NRG4: variants seen among roughly 807,000 people sequenced by gnomAD.
NRG4 encodes the protein neuregulin 4.
Under a neutral mutation model 15.0 loss-of-function variants are expected in NRG4, and 10 were observed. That is an observed-to-expected ratio of 0.67 (90% CI 0.41 to 1.13). The LOEUF (loss-of-function observed/expected upper bound fraction) is 1.13. Ranked by LOEUF, NRG4 falls within the 50% of genes most tolerant of loss-of-function variation. The pLI is 0.00. For missense variants in NRG4, 139 were observed against 140.2 expected (o/e 0.99, Z 0.04); for synonymous variants, 41 against 50.1 (o/e 0.82, Z 0.77).
intron 5 of NRG4, among the ~76,000 whole-genome samples, chr15:76,020,701 G>A (rs1374352680): frequency 1.3e-5 from 2 of 152,216 alleles, no homozygotes; most frequent in African/African-American, 2.4e-5. Flanking sequence ...CGGCCCACGC[G>A]CCAGGGTTGG....
At position 76,046,430 on chromosome 15, in the gene NRG4, C is replaced by A. The variant is rs1014529827; in HGVS notation, c.-105+5637G>T. On this transcript the variant is annotated intron_variant, in intron 4 of 8. Coordinates refer to the NRG4 transcript ENST00000563910. The stretch of plus-strand genomic sequence containing the variant: ...GCAAAAAGAACAAAGCTGAAGGCAC[C>A]ACACTACCTGACTTCAAAATTTACT... 1.3e-5 allele frequency among the ~76,000 whole-genome samples: 2 copies of A among 151,112 alleles called. 1 individual carries two copies. Among genetic ancestry groups the A allele is most frequent in the African/African-American group, 4.9e-5 (2 of 40,588 alleles).
intron 3 of NRG4, among the ~76,000 whole-genome samples, chr15:75,986,182 GTA>G (rs2033796701): frequency 6.6e-6 from 1 of 152,052 alleles, no homozygotes; most frequent in South Asian, 2.1e-4. Context: ...TATCTGATTG[GTA>G]AAAACCCAAA....
intron 3 of NRG4, among the ~76,000 whole-genome samples, chr15:76,000,403 A>C (rs1449120167): frequency 1.3e-5 from 2 of 152,218 alleles, no homozygotes; most frequent in Non-Finnish European, 2.9e-5. Context: ...ATACATTATC[A>C]AAAAGATTTT....
At chr15:75,955,153 C>T (rs895160131) in intron 5 of NRG4, among the ~76,000 whole-genome samples, 1 of 152,150 alleles carries the variant, frequency 6.6e-6, no homozygotes, top group African/African-American at 2.4e-5. Context: ...CAGCTGAATA[C>T]TTGAACTGAA....
At chr15:76,043,276 A>G (rs2035789661) in intron 4 of NRG4, among the ~76,000 whole-genome samples, 1 of 152,186 alleles carries the variant, frequency 6.6e-6, no homozygotes, top group South Asian at 2.1e-4. Flanking sequence ...GTTATTCAAC[A>G]TGGTATTGGA....
At chr15:75,944,337 A>T (rs950526342) in intron 5 of NRG4, among the ~76,000 whole-genome samples, 1 of 152,144 alleles carries the variant, frequency 6.6e-6, no homozygotes, top group Non-Finnish European at 1.5e-5. Flanking sequence ...TGTGGTGTGC[A>T]TGATCATACT....
At chr15:76,016,088 T>A (rs2034966140), upstream of NRG4, among the ~76,000 whole-genome samples, 1 of 152,204 alleles carries the variant, frequency 6.6e-6, no homozygotes, top group Non-Finnish European at 1.5e-5. Context: ...GGGGTATGTG[T>A]CCAGGAATTT....
chr15:75,990,124 C>T (rs929779942), intron 3 of NRG4, among the ~76,000 whole-genome samples: 2 of 152,162 alleles, frequency 1.3e-5, no homozygotes. Context: ...TGTTCACCTT[C>T]GAGCTTCCCA....
intron 4 of NRG4, among the ~76,000 whole-genome samples, chr15:76,050,437 G>GTTTT (rs71444951): frequency 2.1e-4 from 19 of 91,868 alleles, no homozygotes; most frequent in East Asian, 3.5e-4. Context: ...CCGAGCCTTC[G>GTTTT]TTTTTTTTTT....
intron 3 of NRG4, among the ~76,000 whole-genome samples, chr15:75,972,517 T>A (rs1219062839): frequency 6.6e-6 from 1 of 152,216 alleles, no homozygotes; most frequent in East Asian, 1.9e-4. Flanking sequence ...TACGTTTAAG[T>A]CTTTAATTCA....
rs536686071 is a variant in NRG4, at chr15:75,964,988, G to A, written c.105-3014C>T. 2.0e-5 allele frequency among the ~76,000 whole-genome samples: 3 copies of A among 152,240 alleles called. No homozygotes were observed. In the South Asian group the frequency reaches 6.2e-4, roughly 32 times the overall value. ...CGCCTGTAATCCCAGCAGTTTGGGA[G>A]GCCGAGGCGGGTGGATCATGAGGTC... On this transcript the variant is annotated intron_variant, in intron 3 of 5. Transcript: ENST00000394907.
At chr15:75,986,299 T>C (rs1467288692) in intron 3 of NRG4, among the ~76,000 whole-genome samples, 4 of 152,306 alleles carry the variant, frequency 2.6e-5, no homozygotes, top group African/African-American at 7.2e-5. Flanking sequence ...AAAATTAATA[T>C]GCATATACCC....
chr15:76,003,526 G>T (rs2034487908), intron 3 of NRG4, among the ~76,000 whole-genome samples: 1 of 152,090 alleles, frequency 6.6e-6, no homozygotes, highest in East Asian at 1.9e-4. Context: ...AATATTTAAA[G>T]AAATAATTGT....
chr15:76,005,868 C>T (rs1292836102), intron 3 of NRG4: 8 of 368,088 alleles, frequency 2.2e-5, no homozygotes, highest in East Asian at 1.5e-4. Flanking sequence ...GTATATCTAA[C>T]GTAAATAGTG....
At chr15:76,045,077 T>C (rs537158034) in intron 4 of NRG4, among the ~76,000 whole-genome samples, 1 of 149,440 alleles carries the variant, frequency 6.7e-6, no homozygotes, top group South Asian at 2.1e-4. Flanking sequence ...ATATAAGGAG[T>C]TCAAACAACT....
At chr15:75,971,523 T>C (rs1472714083) in intron 3 of NRG4, among the ~76,000 whole-genome samples, 5 of 152,220 alleles carry the variant, frequency 3.3e-5, no homozygotes, top group Non-Finnish European at 7.3e-5. Flanking sequence ...AAGCTCTGTC[T>C]CTATGTGTCC....
At chr15:76,031,851 T>C (rs1376724636) in intron 5 of NRG4, among the ~76,000 whole-genome samples, 1 of 152,074 alleles carries the variant, frequency 6.6e-6, no homozygotes, top group Non-Finnish European at 1.5e-5. Flanking sequence ...TGAGACTCTG[T>C]CTCAAATAAA....
intron 4 of NRG4, among the ~76,000 whole-genome samples, chr15:76,051,610 C>T (rs1352736597): frequency 6.7e-6 from 1 of 148,284 alleles, no homozygotes; most frequent in Non-Finnish European, 1.5e-5. Context: ...GTCGCCCAGG[C>T]TGGAGTGCTG....
Position 75,941,832 on chromosome 15 carries a change from G to A in NRG4, c.*1806C>T, listed in dbSNP as rs1002664234. ...TGAAAAAGTTCCGGAGGTGCATAGT[G>A]GTGACTGGTACATACAACGAATGTA... On this transcript the variant is annotated 3_prime_UTR_variant, in exon 6 of 6. Coordinates refer to ENST00000394907, the MANE Select transcript of NRG4 (RefSeq NM_138573.4). 1 of 151,302 alleles carries A rather than the reference G, an allele frequency of 6.6e-6. No individual in the cohort carries two copies. Among genetic ancestry groups the A allele is most frequent in the East Asian group, 1.9e-4 (1 of 5,158 alleles). The allele number at this position is 151,302 out of a possible 1,614,324, so 9.4% of individuals were successfully genotyped here.
Sources: allele counts gnomAD v4.1 joint callset (sites outside exome capture counted in the v4.1 genomes callset), GRCh38; gene constraint gnomAD v4.1.1; transcripts MANE v1.5; gene names NCBI Gene and HGNC (gene_info 2026-07-23, HGNC 2026-07-21).